CNGB3: variants seen among roughly 807,000 people sequenced by gnomAD.
CNGB3 encodes cyclic nucleotide-gated channel beta-3.
In CNGB3, 86 loss-of-function variants were observed where a neutral mutation model predicts 92.8. That is an observed-to-expected ratio of 0.93 (90% CI 0.78 to 1.11). The LOEUF (loss-of-function observed/expected upper bound fraction) is 1.11, where lower values mean the gene tolerates loss of function less well. Ranked by LOEUF, CNGB3 falls within the 50% of genes least tolerant of loss-of-function variation. The pLI, the probability that CNGB3 is intolerant of heterozygous loss-of-function variation, is 0.00. For synonymous variants in CNGB3, 333 were observed against 332.7 expected (o/e 1.00, Z -0.01); for missense variants, 1,026 against 956.8 (o/e 1.07, Z -0.95).
At chr8:86,636,166 A>G (rs533139518) in intron 10 of CNGB3, among the ~76,000 whole-genome samples, 114 of 152,234 alleles carry the variant, frequency 7.5e-4, no homozygotes, top group South Asian at 3.5e-3. Context: ...GTATTTCAAA[A>G]TAATTTCTAG....
Position 86,583,627 on chromosome 8 carries a change from G to C in CNGB3, c.1782-4375C>G, listed in dbSNP as rs541176218. 2.6e-5 allele frequency among the ~76,000 whole-genome samples: 4 copies of C among 152,130 alleles called. No individual in the cohort carries two copies. In the East Asian group the frequency reaches 7.7e-4, roughly 29 times the overall value. Reference sequence around the variant, plus strand: ...GTCCAGGACTCTCCAGGCCACTTAAGAATTGACTTAGACCTGGCAAGGTGA... The same window carrying C: ...GTCCAGGACTCTCCAGGCCACTTAACAATTGACTTAGACCTGGCAAGGTGA... On this transcript the variant is annotated intron_variant, in intron 15 of 17. Transcript: ENST00000320005.
In CNGB3 at chr8:86,716,260, C is replaced by A. The variant is rs375385540; in HGVS notation, c.338+10271G>T. Among the ~76,000 whole-genome samples, 24 of 152,218 alleles carry A rather than the reference C, an allele frequency of 1.6e-4. No individual in the cohort carries two copies. The South Asian group carries it at 5.0e-3, about 32-fold the overall frequency. On this transcript the variant is annotated intron_variant, in intron 3 of 17. Transcript: ENST00000320005. Reference sequence around the variant, plus strand: ...CCAAACCAAAGAATAATTGGTGTTCCTGGGGAAGAAGAGAAATCTAAAAGT... The same window carrying A: ...CCAAACCAAAGAATAATTGGTGTTCATGGGGAAGAAGAGAAATCTAAAAGT...
intron 2 of CNGB3, among the ~76,000 whole-genome samples, chr8:86,736,196 G>A (rs1825249500): frequency 6.6e-6 from 1 of 152,164 alleles, no homozygotes; most frequent in African/African-American, 2.4e-5. Flanking sequence ...GCACCTGCAT[G>A]TTTTGAAGTG....
At position 86,691,418 on chromosome 8, in the gene CNGB3, A is replaced by C. The variant is rs559342457; in HGVS notation, c.339-20320T>G. Among the ~76,000 whole-genome samples the C allele has an allele frequency of 1.1e-4, 16 of 152,244 alleles. No individual in the cohort carries two copies. The South Asian group carries it at 1.2e-3, about 12-fold the overall frequency. On this transcript the variant is annotated intron_variant, in intron 3 of 17. Transcript: ENST00000320005. ...GACTTCCAGTACTATGTTGAATAGA[A>C]GTGGTGAGAGTGGGCATTCTTGTCT... is the stretch of plus-strand genomic sequence containing the variant.
At chr8:86,716,409 A>C (rs1661353556) in intron 3 of CNGB3, among the ~76,000 whole-genome samples, 1 of 152,232 alleles carries the variant, frequency 6.6e-6, no homozygotes, top group Non-Finnish European at 1.5e-5. Context: ...ATCATCGCCT[A>C]GCACATAGTC....
At chr8:86,647,644 A>G (rs1260566438) in intron 8 of CNGB3, among the ~76,000 whole-genome samples, 157 bp downstream of exon 8, 1 of 151,052 alleles carries the variant, frequency 6.6e-6, no homozygotes, top group African/African-American at 2.4e-5. Context: ...AAAAAAAATT[A>G]TAGCATTGAT....
At chr8:86,720,833 T>G (rs1824954822) in intron 3 of CNGB3, among the ~76,000 whole-genome samples, 1 of 53,472 alleles carries the variant, frequency 1.9e-5, no homozygotes, top group African/African-American at 9.1e-5. Flanking sequence ...TATATATATA[T>G]ATGTATACAC....
chr8:86,711,293 C>G (rs558925069), intron 3 of CNGB3, among the ~76,000 whole-genome samples: 1 of 152,028 alleles, frequency 6.6e-6, no homozygotes, highest in Admixed American at 6.6e-5. Flanking sequence ...TGGATTTTTG[C>G]CTGCCTGCGT....
chr8:86,735,440 T>C (rs1041703059), intron 2 of CNGB3, among the ~76,000 whole-genome samples: 1 of 152,196 alleles, frequency 6.6e-6, no homozygotes, highest in Non-Finnish European at 1.5e-5. Context: ...CTGTAATCTA[T>C]CACCATAAAC....
intron 3 of CNGB3, among the ~76,000 whole-genome samples, chr8:86,685,563 C>T (rs1431352164): frequency 6.6e-6 from 1 of 152,112 alleles, no homozygotes; most frequent in African/African-American, 2.4e-5. Flanking sequence ...CCTGAGTTTT[C>T]TGGAATGCTA....
At chr8:86,635,861 T>TATATATACATAC (rs796498363) in intron 10 of CNGB3, among the ~76,000 whole-genome samples, 5 of 66,270 alleles carry the variant, frequency 7.5e-5, no homozygotes, top group Non-Finnish European at 1.3e-4. Context: ...TATATATATA[T>TATATATACATAC]ATACACATAC....
intron 10 of CNGB3, among the ~76,000 whole-genome samples, chr8:86,635,043 TGCC>T (rs1377996781): frequency 6.6e-6 from 1 of 151,802 alleles, no homozygotes; most frequent in Admixed American, 6.6e-5. Flanking sequence ...AAAACCACTA[TGCC>T]AAGAGAATAA....
At chr8:86,742,391 T>C (rs1825358430) in intron 1 of CNGB3, among the ~76,000 whole-genome samples, 1 of 152,202 alleles carries the variant, frequency 6.6e-6, no homozygotes. Flanking sequence ...GAAGCAATAC[T>C]AACACAGTCC....
chr8:86,605,124 T>G (rs1408772033), intron 14 of CNGB3, among the ~76,000 whole-genome samples: 1 of 152,178 alleles, frequency 6.6e-6, no homozygotes, highest in Non-Finnish European at 1.5e-5. Flanking sequence ...CTGTGTCTGA[T>G]TTCTCTCGTG....
chr8:86,590,601 C>T (rs1433679399), intron 15 of CNGB3, among the ~76,000 whole-genome samples: 1 of 151,910 alleles, frequency 6.6e-6, no homozygotes, highest in African/African-American at 2.4e-5. Flanking sequence ...ACTTGTGAAG[C>T]TTAGTTTGGC....
chr8:86,616,023 G>A (rs1009281569), intron 13 of CNGB3, among the ~76,000 whole-genome samples: 2 of 152,128 alleles, frequency 1.3e-5, no homozygotes, highest in Admixed American at 1.3e-4. Flanking sequence ...GAAGGAAGTC[G>A]GATCAATGGG....
At chr8:86,688,981 T>C (rs1824245077) in intron 3 of CNGB3, among the ~76,000 whole-genome samples, 2 of 151,646 alleles carry the variant, frequency 1.3e-5, no homozygotes, top group Admixed American at 1.3e-4. Flanking sequence ...GGTCTTGGTA[T>C]GTTGTGTTTC....
chr8:86,734,935 A>G (rs1200013191), intron 2 of CNGB3, among the ~76,000 whole-genome samples: 1 of 151,930 alleles, frequency 6.6e-6, no homozygotes, highest in Non-Finnish European at 1.5e-5. Context: ...CTTATTTTAT[A>G]CATGAGCAAA....
intron 6 of CNGB3, chr8:86,658,808 C>A: frequency 1.8e-6 from 1 of 564,854 alleles, no homozygotes; most frequent in South Asian, 2.2e-5. Flanking sequence ...GCTCACCATT[C>A]TGGAAGACTG....
Sources: allele counts gnomAD v4.1 joint callset (sites outside exome capture counted in the v4.1 genomes callset), GRCh38; gene constraint gnomAD v4.1.1; transcripts MANE v1.5; gene names NCBI Gene and HGNC (gene_info 2026-07-23, HGNC 2026-07-21).